Variants in ZSCAN21 observed in about 807,000 individuals in gnomAD.
The protein encoded by ZSCAN21 is zinc finger and SCAN domain containing 21, also known as zinc finger and SCAN domain-containing protein 21.
Under a neutral mutation model 35.6 loss-of-function variants are expected in ZSCAN21, and 26 were observed. That is an observed-to-expected ratio of 0.73 (90% CI 0.54 to 1.01). ZSCAN21 has a LOEUF of 1.01. ZSCAN21 is among the 50% of genes least tolerant of loss of function. The pLI, the probability that ZSCAN21 is intolerant of heterozygous loss-of-function variation, is 0.00. For missense variants in ZSCAN21, 593 were observed against 587.1 expected, an observed-to-expected ratio of 1.01 and a Z score of -0.10; for synonymous variants, 219 against 219.3, an observed-to-expected ratio of 1.00 and a Z score of 0.01.
chr7:100,060,207 A>AT (rs1020697876), intron 3 of ZSCAN21, among the ~76,000 whole-genome samples: 1 of 152,224 alleles, frequency 6.6e-6, no homozygotes, highest in Non-Finnish European at 1.5e-5. Flanking sequence ...GGCATTGGAC[A>AT]TCAGTGTGGG....
intron 1 of ZSCAN21, among the ~76,000 whole-genome samples, chr7:100,053,058 G>A (rs377072055): frequency 1.0e-4 from 15 of 150,656 alleles, no homozygotes; most frequent in East Asian, 5.8e-4. Context: ...CTCGGGAGGC[G>A]AAGGTTGCAG....
At chr7:100,051,416 C>G (rs1791875996) in intron 1 of ZSCAN21, 2 of 148,652 alleles carry the variant, frequency 1.3e-5, no homozygotes, top group South Asian at 4.3e-4. Context: ...GCCTCAGCCT[C>G]CCAAGTAGCT....
intron 3 of ZSCAN21, among the ~76,000 whole-genome samples, chr7:100,059,145 A>C (rs1283909822): frequency 6.6e-6 from 1 of 152,198 alleles, no homozygotes; most frequent in African/African-American, 2.4e-5. Context: ...GGCCCTCAGA[A>C]ATCTCCCTCC....
In ZSCAN21 at chr7:100,064,668, A is replaced by C. The variant is rs1792547348; in HGVS notation, c.*51A>C. On this transcript the variant is annotated 3_prime_UTR_variant, in exon 4 of 4. Transcript: ENST00000292450. ...TTGTTTTAAACTTTAGAATCTGAAA[A>C]CCAGAAAGAAGTCTTGTCATTGCAG... The C allele has an allele frequency of 1.2e-6, 2 of 1,602,258 alleles. No individual in the cohort carries two copies.
rs1458219040 is a variant in ZSCAN21 at position 100,063,933 on chromosome 7, T to C, written c.738T>C (p.Asn246=). 1.2e-6 allele frequency: 2 copies of C among 1,613,686 alleles called. No individual in the cohort carries two copies. Among genetic ancestry groups the C allele is most frequent in the Non-Finnish European group, 1.7e-6 (2 of 1,179,928 alleles). ...SLERQCVNLE[N]EKGTKPPLQE... is the part of the protein sequence containing the mutation. ...AGAGGCAGTGCGTAAACCTTGAAAA[T>C]GAAAAAGGAACAAAACCCCCTCTTC... Residue 246 remains asparagine, a synonymous_variant, in exon 4 of 4, where the codon AAT becomes AAC. Transcript: ENST00000292450.
rs1298492414 is a variant in ZSCAN21 at position 100,056,937 on chromosome 7, G to C, written c.-70G>C. ...TTTAACTTGTGGCCCTAAAGAACTG[G>C]AAACCCAAAGGAACGAATATTCCTG... On this transcript the variant is annotated 5_prime_UTR_variant, in exon 2 of 4. Coordinates refer to ENST00000292450, the MANE Select transcript of ZSCAN21 (RefSeq NM_145914.3). 3 of 1,459,590 alleles carry C rather than the reference G, an allele frequency of 2.1e-6. No homozygotes were observed. In the East Asian group the frequency reaches 6.9e-5, roughly 34 times the overall value. The allele number at this position is 1,459,590 out of a possible 1,614,324, so 90.4% of individuals were successfully genotyped here. A position where few individuals can be genotyped will look rare whatever the true frequency, so the allele number is the denominator to read the frequency against.
intron 1 of ZSCAN21, among the ~76,000 whole-genome samples, chr7:100,050,389 G>A (rs1791816026): frequency 6.6e-6 from 1 of 152,222 alleles, no homozygotes; most frequent in African/African-American, 2.4e-5. Context: ...AAAGAACCAT[G>A]TATAAATAAA....
At chr7:100,056,477 T>C (rs1161625244) in intron 1 of ZSCAN21, among the ~76,000 whole-genome samples, 1 of 151,958 alleles carries the variant, frequency 6.6e-6, no homozygotes, top group Non-Finnish European at 1.5e-5. Context: ...GATTTTTTTT[T>C]TTTTAGAGAT....
chr7:100,065,024 C>T lies in ZSCAN21; in HGVS notation c.*407C>T, dbSNP rs1044215800. The T allele has an allele frequency of 3.0e-6, 4 of 1,347,434 alleles. No individual in the cohort carries two copies. Among genetic ancestry groups the T allele is most frequent in the Non-Finnish European group, 3.1e-6 (3 of 976,880 alleles). 83.5% of individuals were successfully genotyped at this position (1,347,434 alleles called of 1,614,324 possible). A position where few individuals can be genotyped will look rare whatever the true frequency, so the allele number is the denominator to read the frequency against. ...ACAATTGAATGAGATTCAGAATAAA[C>T]TTATAACATCTTGTAATGCCTCAGG... On this transcript the variant is annotated 3_prime_UTR_variant, in exon 4 of 4. Transcript: ENST00000292450.
rs1193154054 is a variant in ZSCAN21, at chr7:100,057,388, G to T, written c.382G>T (p.Asp128Tyr). 1 of 1,557,576 alleles carries T rather than the reference G, an allele frequency of 6.4e-7. No individual in the cohort carries two copies. The highest frequency in any genetic ancestry group is 1.4e-5 in the African/African-American group (1 of 73,528). ...CCTCGAAGATCTGGAGCGGGAACTG[G>T]ATGAGCCAGGACACCAGGTAGGCAG... ...TLLEDLEREL[D>Y]EPGHQVSTPP... The change falls in exon 2 of 4, where the codon GAT (aspartate) becomes TAT (tyrosine). Residue 128 changes from aspartate to tyrosine, a missense_variant. By Grantham distance (160) the Asp-to-Tyr change is radical. Coordinates refer to ENST00000292450, the MANE Select transcript of ZSCAN21 (RefSeq NM_145914.3).
In ZSCAN21 at chr7:100,057,248, A is replaced by G; in HGVS notation, c.242A>G (p.Lys81Arg). 1 of 1,613,802 alleles carries G rather than the reference A, an allele frequency of 6.2e-7. No homozygotes were observed. Among genetic ancestry groups the G allele is most frequent in the Non-Finnish European group, 8.5e-7 (1 of 1,179,950 alleles). The change falls in exon 2 of 4, where the codon AAG (lysine) becomes AGG (arginine). Residue 81 changes from lysine to arginine, a missense_variant. Transcript: ENST00000292450. ...CEWLRPEIHTKEQILELLVLE... is the reference protein window; with the variant it reads ...CEWLRPEIHTREQILELLVLE... ...TGGCTGAGGCCCGAGATCCACACCA[A>G]GGAGCAGATCCTGGAGCTACTGGTG...
chr7:100,063,980 G>T lies in ZSCAN21; in HGVS notation c.785G>T (p.Gly262Val). 1.2e-6 allele frequency: 2 copies of T among 1,614,162 alleles called. No individual in the cohort carries two copies. Among genetic ancestry groups the T allele is most frequent in the South Asian group, 2.2e-5 (2 of 91,078 alleles). The change falls in exon 4 of 4, where the codon GGT becomes GTT. Residue 262 changes from glycine to valine, a missense_variant. Coordinates refer to ENST00000292450, the MANE Select transcript of ZSCAN21 (RefSeq NM_145914.3). Reference protein sequence around the residue: ...PPLQEAGSKKGRESVPTKPTP... With the variant: ...PPLQEAGSKKVRESVPTKPTP... ...CTTCAAGAGGCAGGCTCCAAGAAAG[G>T]TAGAGAATCAGTTCCTACTAAACCT... is the stretch of plus-strand genomic sequence containing the variant.
At chr7:100,053,783 A>T (rs182076665) in intron 1 of ZSCAN21, among the ~76,000 whole-genome samples, 1 of 151,910 alleles carries the variant, frequency 6.6e-6, no homozygotes, top group Non-Finnish European at 1.5e-5. Context: ...TAGGTTTAAC[A>T]TGTGGCCCTA....
intron 1 of ZSCAN21, among the ~76,000 whole-genome samples, chr7:100,052,940 C>T (rs565171025): frequency 6.6e-6 from 1 of 151,986 alleles, no homozygotes; most frequent in East Asian, 1.9e-4. Flanking sequence ...ACCAGCCTGG[C>T]CAACATGGTG....
Position 100,064,971 on chromosome 7 carries a change from AT to A in ZSCAN21, c.*357del. 2.5e-6 allele frequency: 4 copies of A among 1,597,734 alleles called. No individual in the cohort carries two copies. In the South Asian group the frequency reaches 4.5e-5, roughly 18 times the overall value. The stretch of plus-strand genomic sequence containing the variant: ...TTTTAACATATATTCAAGAATTTTA[AT>A]TTGTAAAGAATTGAGCCACATTGAA... On this transcript the variant is annotated 3_prime_UTR_variant, in exon 4 of 4. Coordinates refer to ENST00000292450, the MANE Select transcript of ZSCAN21 (RefSeq NM_145914.3).
At position 100,064,471 on chromosome 7, in the gene ZSCAN21, A is replaced by G; in HGVS notation, c.1276A>G (p.Asn426Asp). The G allele has an allele frequency of 3.1e-6, 5 of 1,614,016 alleles. No individual in the cohort carries two copies. Among genetic ancestry groups the G allele is most frequent in the Non-Finnish European group, 4.2e-6 (5 of 1,180,002 alleles). The change falls in exon 4 of 4, where the codon AAC becomes GAC. Residue 426 changes from asparagine (N) to aspartate (D), a missense_variant. Physicochemically the swap from Asn to Asp is conservative, Grantham distance 23 (BLOSUM62 1). Coordinates refer to ENST00000292450, the MANE Select transcript of ZSCAN21 (RefSeq NM_145914.3). ...YKCKECGKAF[N>D]HSSNFNKHHR... The stretch of plus-strand genomic sequence containing the variant: ...GTGTAAGGAGTGTGGGAAAGCCTTC[A>G]ACCACAGCTCCAACTTCAATAAACA...
intron 3 of ZSCAN21, among the ~76,000 whole-genome samples, chr7:100,058,765 A>G (rs1199366922): frequency 1.3e-5 from 2 of 152,204 alleles, no homozygotes; most frequent in African/African-American, 4.8e-5. Context: ...GCTGGAGGGC[A>G]GTGGCGTGAT....
At chr7:100,063,575 T>C (rs1792452828) in intron 3 of ZSCAN21, among the ~76,000 whole-genome samples, 1 of 151,988 alleles carries the variant, frequency 6.6e-6, no homozygotes, top group Non-Finnish European at 1.5e-5. Context: ...TCCAGCCTGC[T>C]GACAGCGAGA....
chr7:100,061,218 A>G (rs1233742217), intron 3 of ZSCAN21, among the ~76,000 whole-genome samples: 1 of 152,154 alleles, frequency 6.6e-6, no homozygotes, highest in African/African-American at 2.4e-5. Context: ...TCATTCAGCT[A>G]TTTTTTAAAA....
Sources: allele counts gnomAD v4.1 joint callset (sites outside exome capture counted in the v4.1 genomes callset), GRCh38; gene constraint gnomAD v4.1.1; transcripts MANE v1.5; gene names NCBI Gene and HGNC (gene_info 2026-07-23, HGNC 2026-07-21).